Variants in KAZN observed in about 807,000 individuals in gnomAD.
KAZN encodes kazrin, periplakin interacting protein, also known as kazrin.
A neutral mutation model predicts 87.4 loss-of-function variants in KAZN; 40 were observed. The observed-to-expected ratio is 0.46, with a 90% CI of 0.36 to 0.60. The LOEUF is 0.60. Among genes scored for constraint, KAZN ranks in the 20% least tolerant of loss-of-function variants. The probability of loss-of-function intolerance (pLI) is 0.00; values close to 1 mark genes in which losing one functional copy is unlikely to be tolerated. For synonymous variants in KAZN, 466 were observed against 458.3 expected, an observed-to-expected ratio of 1.02 and a Z score of -0.22; for missense variants, 898 against 1,073.9, an observed-to-expected ratio of 0.84 and a Z score of 2.29.
chr1:14,137,866 G>A (rs1311525303), intron 1 of KAZN, among the ~76,000 whole-genome samples: 4 of 151,780 alleles, frequency 2.6e-5, no homozygotes, highest in Non-Finnish European at 5.9e-5. Context: ...GTGCCACCAC[G>A]CCCAGGCAGC....
intron 8 of KAZN, among the ~76,000 whole-genome samples, chr1:15,092,569 T>C (rs1640605768): frequency 6.6e-6 from 1 of 152,122 alleles, no homozygotes; most frequent in Non-Finnish European, 1.5e-5. Context: ...CCTCCCTGGC[T>C]GAAAAGATCC....
intron 1 of KAZN, among the ~76,000 whole-genome samples, chr1:14,945,053 G>A (rs187974983): frequency 4.2e-4 from 64 of 152,318 alleles, no homozygotes; most frequent in Middle Eastern, 3.4e-3. Flanking sequence ...ATGGCCCACA[G>A]CTCCCTAGCT....
At chr1:15,050,264 G>A (rs1674247401) in intron 4 of KAZN, among the ~76,000 whole-genome samples, 1 of 152,154 alleles carries the variant, frequency 6.6e-6, no homozygotes, top group Non-Finnish European at 1.5e-5. Flanking sequence ...GAGGCAGTGG[G>A]TGAATCAGGC....
At chr1:14,144,204 C>G (rs1036909325) in intron 1 of KAZN, among the ~76,000 whole-genome samples, 3 of 152,204 alleles carry the variant, frequency 2.0e-5, no homozygotes, top group Non-Finnish European at 4.4e-5. Flanking sequence ...TCCTTAACCA[C>G]TGTCCTGGGA....
chr1:14,414,480 A>G (rs1374246408), intron 2 of KAZN, among the ~76,000 whole-genome samples: 1 of 152,182 alleles, frequency 6.6e-6, no homozygotes. Flanking sequence ...TTGAACCAGG[A>G]CCACATGCAT....
chr1:14,939,155 T>C (rs1223138878), intron 1 of KAZN, among the ~76,000 whole-genome samples: 1 of 151,720 alleles, frequency 6.6e-6, no homozygotes, highest in Admixed American at 6.6e-5. Context: ...ATACTTTTAG[T>C]AGGGACAGGG....
At chr1:14,513,648 G>A (rs779974604) in intron 2 of KAZN, among the ~76,000 whole-genome samples, 3 of 152,104 alleles carry the variant, frequency 2.0e-5, no homozygotes, top group Non-Finnish European at 4.4e-5. Context: ...CTAAATGCCG[G>A]ATATTTTATA....
At chr1:14,915,429 C>T (rs777675578) in intron 1 of KAZN, among the ~76,000 whole-genome samples, 3 of 152,110 alleles carry the variant, frequency 2.0e-5, no homozygotes, top group East Asian at 3.9e-4. Flanking sequence ...TCAAATCACA[C>T]GCAGGAAATG....
intron 1 of KAZN, among the ~76,000 whole-genome samples, chr1:14,764,447 T>C (rs1293005270): frequency 5.5e-5 from 8 of 144,846 alleles, no homozygotes; most frequent in East Asian, 2.1e-4. Context: ...TCTAACATGA[T>C]ATACGATTTA....
intron 2 of KAZN, among the ~76,000 whole-genome samples, chr1:14,535,591 G>A (rs1300949791): frequency 1.3e-5 from 2 of 151,892 alleles, no homozygotes; most frequent in African/African-American, 4.8e-5. Flanking sequence ...GCTTGAACCA[G>A]GGAATAGGGG....
At chr1:14,832,402 G>A (rs770722464) in intron 1 of KAZN, among the ~76,000 whole-genome samples, 4 of 152,040 alleles carry the variant, frequency 2.6e-5, no homozygotes, top group African/African-American at 4.8e-5. Flanking sequence ...CAGCAGCTTC[G>A]ACAGAGAGAG....
rs545836750 is a variant in KAZN at position 14,402,610 on chromosome 1, T to C, written c.250-196373T>C. ...TTATAATCAAAGTCCTGACAAAATA[T>C]TTTTAAATGAAACTAGACAAACTGA... On this transcript the variant is annotated intron_variant, in intron 2 of 16. Transcript: ENST00000636203. 3.8e-4 allele frequency among the ~76,000 whole-genome samples: 58 copies of C among 152,296 alleles called. No individual in the cohort carries two copies. The East Asian group carries it at 9.1e-3, about 24-fold the overall frequency.
intron 12 of KAZN, 74 bp downstream of exon 12, chr1:15,103,534 T>C (rs1366053802): frequency 1.1e-6 from 1 of 923,628 alleles, no homozygotes; most frequent in Admixed American, 2.0e-5. Flanking sequence ...TGCAAATCAA[T>C]ATGCAAATCA....
At chr1:14,523,602 C>T (rs1052856962) in intron 2 of KAZN, among the ~76,000 whole-genome samples, 1 of 152,262 alleles carries the variant, frequency 6.6e-6, no homozygotes, top group Non-Finnish European at 1.5e-5. Context: ...TAGTGAATCC[C>T]AGCACTTCCT....
At chr1:14,108,130 G>A (rs1644419631) in intron 1 of KAZN, among the ~76,000 whole-genome samples, 1 of 152,048 alleles carries the variant, frequency 6.6e-6, no homozygotes, top group African/African-American at 2.4e-5. Flanking sequence ...CCAGGTCACT[G>A]AGGATGCTTT....
intron 1 of KAZN, among the ~76,000 whole-genome samples, chr1:13,990,897 T>C (rs1402119800): frequency 1.3e-5 from 2 of 152,204 alleles, no homozygotes; most frequent in African/African-American, 4.8e-5. Context: ...TTCAACTTTT[T>C]GTTTGAGTAT....
chr1:14,764,270 C>G (rs1047652320), intron 1 of KAZN, among the ~76,000 whole-genome samples: 4 of 151,954 alleles, frequency 2.6e-5, no homozygotes, highest in African/African-American at 9.7e-5. Flanking sequence ...GAGGCCCCCA[C>G]AGCTGAATCC....
rs77278997 is a variant in KAZN, at chr1:13,984,090, A to G, written c.91+90334A>G. ...CAGTGATGTGATCTCCGCTCACTAC[A>G]AGCTCTGCCTCCCAGATTCACGCAA... On this transcript the variant is annotated intron_variant, in intron 1 of 16. Coordinates refer to the KAZN transcript ENST00000636203. 8.1e-3 allele frequency among the ~76,000 whole-genome samples: 1,239 copies of G among 152,058 alleles called. 86 individuals carry two copies. The East Asian group carries it at 0.15, about 18-fold the overall frequency.
At chr1:14,914,891 T>G (rs12084030) in intron 1 of KAZN, among the ~76,000 whole-genome samples, 2,342 of 94,212 alleles carry the variant, frequency 0.025, 55 homozygotes, top group African/African-American at 0.071. Flanking sequence ...CTTCTGGGGA[T>G]GAAAATGAGC....
Sources: allele counts gnomAD v4.1 joint callset (sites outside exome capture counted in the v4.1 genomes callset), GRCh38; gene constraint gnomAD v4.1.1; transcripts MANE v1.5; gene names NCBI Gene and HGNC (gene_info 2026-07-23, HGNC 2026-07-21).